The following SEMA3E variants were observed in gnomAD, a reference collection of about 807,000 sequenced individuals.
SEMA3E encodes semaphorin-3E.
A neutral mutation model predicts 93.6 loss-of-function variants in SEMA3E; 49 were observed. The observed-to-expected ratio is 0.52, with a 90% CI of 0.42 to 0.66. The LOEUF (loss-of-function observed/expected upper bound fraction) is 0.66. Ranked by LOEUF, SEMA3E falls within the 30% of genes least tolerant of loss-of-function variation. The pLI, the probability that SEMA3E is intolerant of heterozygous loss-of-function variation, is 0.00. For missense variants in SEMA3E, 906 were observed against 964.8 expected, an observed-to-expected ratio of 0.94 and a Z score of 0.81; for synonymous variants, 363 against 330.7, an observed-to-expected ratio of 1.10 and a Z score of -1.06.
chr7:83,534,283 A>G (rs1425916429), intron 1 of SEMA3E, among the ~76,000 whole-genome samples: 1 of 152,086 alleles, frequency 6.6e-6, no homozygotes, highest in East Asian at 1.9e-4. Flanking sequence ...AGCAAGGCTC[A>G]GGCATTAGGA....
chr7:83,419,106 T>A (rs1788621261), intron 4 of SEMA3E, among the ~76,000 whole-genome samples: 1 of 105,912 alleles, frequency 9.4e-6, no homozygotes, highest in Admixed American at 1.1e-4. Context: ...TGTCTGCATG[T>A]ACCTAATATT....
At chr7:83,370,143 T>A (rs1253159321) in intron 16 of SEMA3E, among the ~76,000 whole-genome samples, 1 of 152,166 alleles carries the variant, frequency 6.6e-6, no homozygotes, top group African/African-American at 2.4e-5. Context: ...ATTCCTTTGT[T>A]TCAGCCAGCT....
At chr7:83,407,317 A>C (rs565907071) in intron 6 of SEMA3E, 78 bp from the exon 7 acceptor site, 1 of 1,195,438 alleles carries the variant, frequency 8.4e-7, no homozygotes, top group Admixed American at 1.9e-5. Context: ...AATAAATTGT[A>C]TATCATCTGA....
intron 1 of SEMA3E, among the ~76,000 whole-genome samples, chr7:83,609,978 A>C (rs1036620677): frequency 6.6e-6 from 1 of 152,040 alleles, no homozygotes; most frequent in Non-Finnish European, 1.5e-5. Context: ...ATTAAACGAA[A>C]TACAGTACAA....
chr7:83,396,860 C>A, intron 11 of SEMA3E, 131 bp from the exon 12 acceptor site: 1 of 643,126 alleles, frequency 1.6e-6, no homozygotes, highest in Non-Finnish European at 2.8e-6. Flanking sequence ...GGGTGTATCT[C>A]TTGAGGTCAG....
At chr7:83,399,158 A>G (rs1584220792) in intron 11 of SEMA3E, among the ~76,000 whole-genome samples, 1 of 152,182 alleles carries the variant, frequency 6.6e-6, no homozygotes, top group African/African-American at 2.4e-5. Flanking sequence ...AAGATCAACT[A>G]CTGTAGCAAT....
chr7:83,470,756 T>A (rs1200476765), intron 2 of SEMA3E, among the ~76,000 whole-genome samples: 1 of 152,148 alleles, frequency 6.6e-6, no homozygotes, highest in Non-Finnish European at 1.5e-5. Context: ...TCTTATCTTT[T>A]TCACTAAGAA....
intron 1 of SEMA3E, among the ~76,000 whole-genome samples, chr7:83,547,506 T>C (rs573031632): frequency 1.2e-4 from 19 of 152,264 alleles, no homozygotes; most frequent in African/African-American, 4.3e-4. Flanking sequence ...GAATCACTTA[T>C]TCTGCCACAT....
intron 2 of SEMA3E, among the ~76,000 whole-genome samples, chr7:83,470,471 C>T (rs1488993143): frequency 6.6e-6 from 1 of 151,874 alleles, no homozygotes; most frequent in Non-Finnish European, 1.5e-5. Flanking sequence ...CCTTCTTTTG[C>T]TTTATCAACT....
At chr7:83,640,949 AAG>A (rs1256440292) in intron 1 of SEMA3E, among the ~76,000 whole-genome samples, 1 of 151,994 alleles carries the variant, frequency 6.6e-6, no homozygotes, top group African/African-American at 2.4e-5. Flanking sequence ...GAAGAAGAGA[AAG>A]AGAAAGAGAA....
Position 83,634,673 on chromosome 7 carries a change from G to A in SEMA3E, c.115+13755C>T, listed in dbSNP as rs187894556. Among the ~76,000 whole-genome samples, 558 of 151,792 alleles carry A rather than the reference G, an allele frequency of 3.7e-3. 4 individuals carry two copies. Among genetic ancestry groups the A allele is most frequent in the African/African-American group, 0.013 (522 of 41,394 alleles). ...CGAATTTTGCTTTGGGGAATTACAA[G>A]GAAATTAAACCATATGAATGTGTTA... On this transcript the variant is annotated intron_variant, in intron 1 of 16. Coordinates refer to ENST00000643230, the MANE Select transcript of SEMA3E (RefSeq NM_012431.3).
rs1790237404 is a variant in SEMA3E at position 83,485,757 on chromosome 7, G to A, written c.276+4357C>T. Among the ~76,000 whole-genome samples, 4 of 152,068 alleles carry A rather than the reference G, an allele frequency of 2.6e-5. No individual in the cohort carries two copies. In the South Asian group the frequency reaches 8.3e-4, roughly 31 times the overall value. On this transcript the variant is annotated intron_variant, in intron 2 of 16. Transcript: ENST00000643230. Reference sequence around the variant, plus strand: ...AGTAATTGCTCCTGGGCAGCAGGGTGCATGTGGAGGGAAATAGGGAGAAGA... The same window carrying A: ...AGTAATTGCTCCTGGGCAGCAGGGTACATGTGGAGGGAAATAGGGAGAAGA...
At chr7:83,510,454 T>C (rs867936676) in intron 1 of SEMA3E, among the ~76,000 whole-genome samples, 3 of 152,150 alleles carry the variant, frequency 2.0e-5, no homozygotes, top group African/African-American at 7.2e-5. Context: ...ATCTTTACAG[T>C]AAGAGGTGGA....
At chr7:83,587,401 T>C (rs142250901) in intron 1 of SEMA3E, among the ~76,000 whole-genome samples, 109 of 152,270 alleles carry the variant, frequency 7.2e-4, no homozygotes, top group African/African-American at 2.4e-3. Context: ...ACAGAGCATA[T>C]GGATAAGCGT....
At chr7:83,640,463 A>G (rs1339858598) in intron 1 of SEMA3E, among the ~76,000 whole-genome samples, 1 of 152,124 alleles carries the variant, frequency 6.6e-6, no homozygotes, top group Non-Finnish European at 1.5e-5. Flanking sequence ...CCACAATCCC[A>G]TGTTGCCTGA....
intron 10 of SEMA3E, among the ~76,000 whole-genome samples, chr7:83,401,224 A>G (rs1338220764): frequency 1.3e-5 from 2 of 152,240 alleles, no homozygotes; most frequent in East Asian, 1.9e-4. Flanking sequence ...GTGTTGATTC[A>G]TGCTTGTTAG....
Position 83,585,249 on chromosome 7 carries a change from C to T in SEMA3E, c.115+63179G>A, listed in dbSNP as rs55730490. On this transcript the variant is annotated intron_variant, in intron 1 of 16. Coordinates refer to ENST00000643230, the MANE Select transcript of SEMA3E (RefSeq NM_012431.3). The stretch of plus-strand genomic sequence containing the variant: ...TAAACAAAGATTCCTTCACTTTTCT[C>T]TACCAGAGCCTCCCATTGTTTTCAT... 4.7e-3 allele frequency among the ~76,000 whole-genome samples: 718 copies of T among 152,280 alleles called. 5 individuals carry two copies. The highest frequency in any genetic ancestry group is 0.016 in the African/African-American group (657 of 41,560).
intron 2 of SEMA3E, among the ~76,000 whole-genome samples, chr7:83,470,862 CTTTTT>C (rs60392556): frequency 7.1e-6 from 1 of 139,942 alleles, no homozygotes; most frequent in Non-Finnish European, 1.5e-5. Flanking sequence ...CCCACATTTT[CTTTTT>C]TTTTTTTTTT....
intron 13 of SEMA3E, among the ~76,000 whole-genome samples, chr7:83,394,067 T>C (rs940119406): frequency 6.6e-6 from 1 of 152,194 alleles, no homozygotes; most frequent in Non-Finnish European, 1.5e-5. Context: ...GTCTGCAGTA[T>C]AACACTGTAC....
Sources: gnomAD v4.1 joint callset for allele counts (sites outside exome capture counted in the v4.1 genomes callset) on GRCh38, gnomAD v4.1.1 for gene constraint, MANE v1.5 for transcripts, NCBI Gene and HGNC (gene_info 2026-07-23, HGNC 2026-07-21) for gene names.